Variants in CACNA2D2 observed in about 807,000 individuals in gnomAD.
The protein encoded by CACNA2D2 is calcium voltage-gated channel auxiliary subunit alpha2delta 2, also known as voltage-dependent calcium channel subunit alpha-2/delta-2.
In CACNA2D2, 48 loss-of-function variants were observed where a neutral mutation model predicts 166.4. The observed-to-expected ratio is 0.29, with a 90% CI of 0.23 to 0.37. CACNA2D2 has a LOEUF of 0.37. Ranked by LOEUF, CACNA2D2 falls within the 10% of genes least tolerant of loss-of-function variation. The probability of loss-of-function intolerance (pLI) is 1.00; values close to 1 mark genes in which losing one functional copy is unlikely to be tolerated. For missense variants in CACNA2D2, 1,122 were observed against 1,433.0 expected (o/e 0.78, Z 3.50); for synonymous variants, 561 against 573.7 (o/e 0.98, Z 0.32).
intron 13 of CACNA2D2, 105 bp downstream of exon 13, chr3:50,378,810 A>G (rs909064212): frequency 7.4e-6 from 10 of 1,356,722 alleles, no homozygotes; most frequent in Non-Finnish European, 1.0e-5. Flanking sequence ...ACTGTCTTGC[A>G]GCGGGTGAAC....
chr3:50,404,621 G>A (rs1453911256), intron 3 of CACNA2D2, among the ~76,000 whole-genome samples: 3 of 152,198 alleles, frequency 2.0e-5, no homozygotes, highest in Non-Finnish European at 2.9e-5. Flanking sequence ...CAGGACATGG[G>A]AGGGTGACAG....
chr3:50,404,866 A>G (rs1474959853), intron 3 of CACNA2D2, among the ~76,000 whole-genome samples: 1 of 152,144 alleles, frequency 6.6e-6, no homozygotes, highest in African/African-American at 2.4e-5. Flanking sequence ...CTCTACAGGA[A>G]GAGCTGCCTG....
intron 1 of CACNA2D2, among the ~76,000 whole-genome samples, chr3:50,493,076 C>A (rs1452745724): frequency 6.6e-6 from 1 of 152,176 alleles, no homozygotes; most frequent in Admixed American, 6.5e-5. Flanking sequence ...CCTTTACAAA[C>A]ACTTCCTTGG....
At chr3:50,495,904 C>A (rs974724026) in intron 1 of CACNA2D2, among the ~76,000 whole-genome samples, 1 of 152,242 alleles carries the variant, frequency 6.6e-6, no homozygotes. Context: ...GTCCCAAGTC[C>A]TCCACTGAAT....
chr3:50,401,022 T>G (rs993454661), intron 3 of CACNA2D2, among the ~76,000 whole-genome samples: 3 of 152,078 alleles, frequency 2.0e-5, no homozygotes, highest in African/African-American at 7.2e-5. Flanking sequence ...ATTAACCATG[T>G]TTACACCTTA....
At chr3:50,497,613 G>C (rs1266629648) in intron 1 of CACNA2D2, among the ~76,000 whole-genome samples, 6 of 152,200 alleles carry the variant, frequency 3.9e-5, no homozygotes, top group African/African-American at 1.4e-4. Flanking sequence ...TGGCAGGGCA[G>C]GGCTTGGCTG....
In CACNA2D2 at chr3:50,429,324, G is replaced by A. The variant is rs1326909249; in HGVS notation, c.405+4989C>T. On this transcript the variant is annotated intron_variant, in intron 3 of 37. Transcript: ENST00000424201. ...TCCTCAAAACGTAAAATAGAGAGAGGAGAGTAACCCAGCGACCTGTGTGAG... is the reference window on the plus strand; with the variant it reads ...TCCTCAAAACGTAAAATAGAGAGAGAAGAGTAACCCAGCGACCTGTGTGAG... Among the ~76,000 whole-genome samples, 3 of 151,974 alleles carry A rather than the reference G, an allele frequency of 2.0e-5. No individual in the cohort carries two copies. The East Asian group carries it at 5.8e-4, about 29-fold the overall frequency.
chr3:50,386,267 T>C (rs146356061), intron 5 of CACNA2D2, among the ~76,000 whole-genome samples: 1 of 152,162 alleles, frequency 6.6e-6, no homozygotes, highest in South Asian at 2.1e-4. Flanking sequence ...CAGTTGAGGC[T>C]GCTGGAGGTA....
At chr3:50,387,689 C>G (rs1705682687) in intron 4 of CACNA2D2, 77 bp from the exon 5 acceptor site, 2 of 1,122,108 alleles carry the variant, frequency 1.8e-6, no homozygotes, top group African/African-American at 3.1e-5. Context: ...CCAAGGCCTG[C>G]ATGGCACCCT....
At chr3:50,433,822 T>C (rs1405087043) in intron 3 of CACNA2D2, among the ~76,000 whole-genome samples, 1 of 151,976 alleles carries the variant, frequency 6.6e-6, no homozygotes, top group East Asian at 1.9e-4. Context: ...AGAGAAACAT[T>C]CAAAGCCATG....
intron 1 of CACNA2D2, among the ~76,000 whole-genome samples, chr3:50,485,665 ATGG>A (rs1698248327): frequency 6.6e-6 from 1 of 152,206 alleles, no homozygotes; most frequent in Non-Finnish European, 1.5e-5. Flanking sequence ...GCAGGCACAC[ATGG>A]TAACAGTCAC....
intron 2 of CACNA2D2, among the ~76,000 whole-genome samples, chr3:50,445,545 C>G (rs1435674636): frequency 1.3e-5 from 2 of 152,172 alleles, no homozygotes; most frequent in Non-Finnish European, 2.9e-5. Flanking sequence ...TTTTATGTAT[C>G]CTTGTAAGTG....
intron 3 of CACNA2D2, among the ~76,000 whole-genome samples, chr3:50,430,435 C>A (rs1559940027): frequency 6.6e-6 from 1 of 152,202 alleles, no homozygotes; most frequent in Non-Finnish European, 1.5e-5. Flanking sequence ...AGTTGACGCC[C>A]CTGGAGTTGT....
intron 2 of CACNA2D2, among the ~76,000 whole-genome samples, chr3:50,454,634 G>C (rs1254401279): frequency 6.6e-6 from 1 of 152,202 alleles, no homozygotes; most frequent in Non-Finnish European, 1.5e-5. Flanking sequence ...GCAGTTTAGA[G>C]ACTGGAAAAA....
At chr3:50,395,372 G>C (rs1051481669) in intron 3 of CACNA2D2, among the ~76,000 whole-genome samples, 1 of 152,082 alleles carries the variant, frequency 6.6e-6, no homozygotes, top group Non-Finnish European at 1.5e-5. Flanking sequence ...CCTCACCAAT[G>C]CATTTGTCTT....
At chr3:50,381,951 C>A (rs1221171080) in intron 6 of CACNA2D2, among the ~76,000 whole-genome samples, 1 of 149,784 alleles carries the variant, frequency 6.7e-6, no homozygotes, top group Non-Finnish European at 1.5e-5. Flanking sequence ...TGTAGTTGCA[C>A]GTGTGTGATC....
At chr3:50,432,004 A>G (rs1415930550) in intron 3 of CACNA2D2, among the ~76,000 whole-genome samples, 1 of 150,512 alleles carries the variant, frequency 6.6e-6, no homozygotes, top group African/African-American at 2.5e-5. Flanking sequence ...AAAAAAACAA[A>G]GAAAGAAAAG....
At chr3:50,446,024 C>G (rs966876062) in intron 2 of CACNA2D2, among the ~76,000 whole-genome samples, 1 of 152,368 alleles carries the variant, frequency 6.6e-6, no homozygotes, top group East Asian at 1.9e-4. Flanking sequence ...CGCATCCGTG[C>G]ACAGTGTTTG....
chr3:50,468,440 T>TGTGG (rs1427320069), intron 2 of CACNA2D2, among the ~76,000 whole-genome samples: 13 of 143,968 alleles, frequency 9.0e-5, no homozygotes, highest in Non-Finnish European at 1.5e-4. Context: ...TGTGTGTGTG[T>TGTGG]GGCTTTAGGA....
Sources: allele counts gnomAD v4.1 joint callset (sites outside exome capture counted in the v4.1 genomes callset), GRCh38; gene constraint gnomAD v4.1.1; transcripts MANE v1.5; gene names NCBI Gene and HGNC (gene_info 2026-07-23, HGNC 2026-07-21).